CSMD1: variants seen among roughly 807,000 people sequenced by gnomAD.
CSMD1 encodes the protein CUB and sushi domain-containing protein 1.
In CSMD1, 213 loss-of-function variants were observed where a neutral mutation model predicts 417.5. The ratio of observed to expected loss-of-function variants is 0.51; its 90% CI spans 0.46 to 0.57. CSMD1 has a LOEUF of 0.57. Ranked by LOEUF, CSMD1 falls within the 20% of genes least tolerant of loss-of-function variation. The pLI is 0.00. For missense variants in CSMD1, 6,923 were observed against 4,529.7 expected (o/e 1.53, Z -15.17); for synonymous variants, 2,862 against 1,736.8 (o/e 1.65, Z -16.11).
intron 26 of CSMD1, among the ~76,000 whole-genome samples, chr8:3,267,576 C>G (rs1246163195): frequency 6.6e-6 from 1 of 152,150 alleles, no homozygotes; most frequent in Admixed American, 6.5e-5. Flanking sequence ...GAATGTAACA[C>G]ACTGGTAAGA....
intron 26 of CSMD1, among the ~76,000 whole-genome samples, chr8:3,275,851 C>T (rs929783463): frequency 3.3e-5 from 5 of 152,002 alleles, no homozygotes; most frequent in African/African-American, 7.2e-5. Context: ...TCATAGTTTT[C>T]AACTTCTTTG....
chr8:4,031,943 T>C lies in CSMD1; in HGVS notation c.572A>G (p.Asn191Ser). ...AGCTGGGAAGTCCCACGATGCACCA[T>C]TTCCTGGGCTGACGATGCAGGTCAG... is the stretch of plus-strand genomic sequence containing the variant. ...AILTCIVSPG[N>S]GASWDFPAPF... The change falls in exon 4 of 70, where the codon AAT becomes AGT. Residue 191 changes from asparagine to serine, a missense_variant. Coordinates refer to ENST00000635120, the MANE Select transcript of CSMD1 (RefSeq NM_033225.6). 2.5e-6 allele frequency: 4 copies of C among 1,613,896 alleles called. No homozygotes were observed. The highest frequency in any genetic ancestry group is 3.4e-6 in the Non-Finnish European group (4 of 1,179,850).
At chr8:4,428,455 A>T (rs1315457215) in intron 2 of CSMD1, among the ~76,000 whole-genome samples, 1 of 152,180 alleles carries the variant, frequency 6.6e-6, no homozygotes, top group Non-Finnish European at 1.5e-5. Context: ...GGTTTTTCAC[A>T]TTAATTTCTG....
At chr8:4,768,402 C>T (rs1253223735) in intron 1 of CSMD1, among the ~76,000 whole-genome samples, 3 of 152,190 alleles carry the variant, frequency 2.0e-5, no homozygotes, top group Non-Finnish European at 4.4e-5. Context: ...TCCTTCCATA[C>T]AGTCTGCCGG....
At chr8:3,466,410 AT>A (rs55779982) in intron 12 of CSMD1, among the ~76,000 whole-genome samples, 23 of 150,808 alleles carry the variant, frequency 1.5e-4, no homozygotes, top group Admixed American at 8.6e-4. Flanking sequence ...TTTTCTGATA[AT>A]TTTTTTTTCT....
At chr8:4,543,311 T>A (rs1386630965) in intron 2 of CSMD1, among the ~76,000 whole-genome samples, 1 of 152,090 alleles carries the variant, frequency 6.6e-6, no homozygotes, top group Non-Finnish European at 1.5e-5. Context: ...CCTCCCTTCC[T>A]CCACCCCCTG....
intron 10 of CSMD1, among the ~76,000 whole-genome samples, chr8:3,546,024 T>C (rs1209842420): frequency 1.3e-5 from 2 of 152,224 alleles, no homozygotes; most frequent in Non-Finnish European, 2.9e-5. Context: ...GAAAGATTTC[T>C]CTAATAAACC....
chr8:4,686,908 T>C (rs1490903672), intron 1 of CSMD1, among the ~76,000 whole-genome samples: 1 of 152,218 alleles, frequency 6.6e-6, no homozygotes, highest in East Asian at 1.9e-4. Flanking sequence ...GTGGATTTCC[T>C]GGTGCTGGAA....
chr8:4,603,608 A>C (rs946936762), intron 2 of CSMD1, among the ~76,000 whole-genome samples: 1 of 152,186 alleles, frequency 6.6e-6, no homozygotes. Flanking sequence ...TAGTGCGAAA[A>C]CATGAAAATA....
intron 2 of CSMD1, among the ~76,000 whole-genome samples, chr8:4,438,962 T>C (rs78676153): frequency 0.098 from 14,845 of 152,230 alleles, 998 homozygotes; most frequent in Admixed American, 0.2. Flanking sequence ...TAATGTGAAG[T>C]CATGAGCGCT....
chr8:3,769,728 C>G (rs1367333380), intron 5 of CSMD1, among the ~76,000 whole-genome samples: 8 of 152,204 alleles, frequency 5.3e-5, no homozygotes, highest in South Asian at 4.1e-4. Flanking sequence ...CATACCATTA[C>G]TTATTTAACC....
intron 1 of CSMD1, among the ~76,000 whole-genome samples, chr8:4,923,094 A>G (rs933805600): frequency 1.3e-5 from 2 of 152,220 alleles, no homozygotes; most frequent in African/African-American, 4.8e-5. Context: ...ATGATTTGAA[A>G]TAAAGGGATA....
intron 12 of CSMD1, among the ~76,000 whole-genome samples, chr8:3,411,772 GTGTATATACC>G (rs1812734059): frequency 1.7e-5 from 2 of 117,386 alleles, no homozygotes; most frequent in African/African-American, 3.2e-5. Flanking sequence ...GTATATACGT[GTGTATATACC>G]TGTATATATA....
chr8:2,986,443 C>T (rs1165374583), intron 54 of CSMD1, among the ~76,000 whole-genome samples: 2 of 152,116 alleles, frequency 1.3e-5, no homozygotes, highest in African/African-American at 4.8e-5. Context: ...ACTGTGTTTT[C>T]TCTACTCAGC....
intron 50 of CSMD1, among the ~76,000 whole-genome samples, chr8:3,050,114 A>AAC (rs1485412235): frequency 6.6e-6 from 1 of 151,894 alleles, no homozygotes; most frequent in Non-Finnish European, 1.5e-5. Flanking sequence ...TTAAAAAAAA[A>AAC]AAAAAAACTG....
rs775656251 is a variant in CSMD1, at chr8:3,929,852, C to G, written c.818+68051G>C. Among the ~76,000 whole-genome samples the G allele has an allele frequency of 2.2e-4, 33 of 149,606 alleles. 1 individual carries two copies. The highest frequency in any genetic ancestry group is 8.1e-4 in the African/African-American group (33 of 40,580). On this transcript the variant is annotated intron_variant, in intron 5 of 69. Coordinates refer to ENST00000635120, the MANE Select transcript of CSMD1 (RefSeq NM_033225.6). ...AATTTTTGTGTTTTTAGTAGAGACG[C>G]GGTTTCACCATATTGGTCCCGCTCA...
At position 3,628,638 on chromosome 8, in the gene CSMD1, G is replaced by A. The variant is rs183395994; in HGVS notation, c.1010-11841C>T. 5.8e-3 allele frequency among the ~76,000 whole-genome samples: 890 copies of A among 152,170 alleles called. 8 individuals carry two copies. The highest frequency in any genetic ancestry group is 5.3e-3 in the Non-Finnish European group (363 of 67,986). On this transcript the variant is annotated intron_variant, in intron 7 of 69. Transcript: ENST00000635120. The stretch of plus-strand genomic sequence containing the variant: ...AGTGTCTCAGAGGGAGGCAGCTCCC[G>A]CAGAGGGGAGGGCATGGGCATCCTC...
intron 1 of CSMD1, among the ~76,000 whole-genome samples, chr8:4,716,493 T>C (rs1428693686): frequency 9.2e-5 from 14 of 152,348 alleles, no homozygotes; most frequent in Admixed American, 9.1e-4. Flanking sequence ...AAAGTATTCA[T>C]AATACTTCAA....
intron 25 of CSMD1, among the ~76,000 whole-genome samples, chr8:3,297,443 T>C (rs1349552977): frequency 6.6e-6 from 1 of 152,154 alleles, no homozygotes; most frequent in African/African-American, 2.4e-5. Context: ...AATCAGGAAT[T>C]AAGTTAGGTT....
Sources: allele counts gnomAD v4.1 joint callset (sites outside exome capture counted in the v4.1 genomes callset), GRCh38; gene constraint gnomAD v4.1.1; transcripts MANE v1.5; gene names NCBI Gene and HGNC (gene_info 2026-07-23, HGNC 2026-07-21).